The following IGSF11 variants were observed in gnomAD, a reference collection of about 807,000 sequenced individuals.
IGSF11 encodes immunoglobulin superfamily member 11, also known as CXADR like 1.
In IGSF11, 22 loss-of-function variants were observed where a neutral mutation model predicts 41.0. The observed-to-expected ratio is 0.54, with a 90% CI of 0.38 to 0.77. The LOEUF (loss-of-function observed/expected upper bound fraction) is 0.77, where lower values mean the gene tolerates loss of function less well. Among genes scored for constraint, IGSF11 ranks in the 30% least tolerant of loss-of-function variants. The pLI, the probability that IGSF11 is intolerant of heterozygous loss-of-function variation, is 0.00. For missense variants in IGSF11, 444 were observed against 530.8 expected (o/e 0.84, Z 1.61); for synonymous variants, 219 against 201.3 (o/e 1.09, Z -0.74).
intron 1 of IGSF11, among the ~76,000 whole-genome samples, chr3:119,066,842 G>A (rs1375862419): frequency 6.6e-6 from 1 of 151,976 alleles, no homozygotes; most frequent in Non-Finnish European, 1.5e-5. Context: ...CCTATCTATT[G>A]AGTTCTTGAT....
intron 1 of IGSF11, among the ~76,000 whole-genome samples, chr3:119,056,206 A>G (rs1328282703): frequency 6.6e-6 from 1 of 152,216 alleles, no homozygotes; most frequent in East Asian, 1.9e-4. Flanking sequence ...AAAGATCAAC[A>G]AAATTGATAG....
chr3:119,136,556 C>CA (rs1224169868), intron 1 of IGSF11, among the ~76,000 whole-genome samples: 1 of 151,776 alleles, frequency 6.6e-6, no homozygotes, highest in African/African-American at 2.4e-5. Context: ...GATTTCAAGA[C>CA]AAAAACTATA....
chr3:118,951,032 C>T (rs1466277866), intron 1 of IGSF11, among the ~76,000 whole-genome samples: 3 of 152,164 alleles, frequency 2.0e-5, no homozygotes, highest in African/African-American at 7.2e-5. Flanking sequence ...GCCATTAGGT[C>T]AGCTCTATCC....
At chr3:119,049,296 A>G (rs1441560484) in intron 1 of IGSF11, among the ~76,000 whole-genome samples, 1 of 151,590 alleles carries the variant, frequency 6.6e-6, no homozygotes, top group African/African-American at 2.4e-5. Context: ...CAACTTCAGC[A>G]AAGTCTCAGG....
chr3:118,905,470 C>G (rs1939475093), intron 5 of IGSF11, 126 bp downstream of exon 5: 1 of 1,027,734 alleles, frequency 9.7e-7, no homozygotes, highest in Non-Finnish European at 1.4e-6. Context: ...TAATTAAAAC[C>G]AAAACAATTT....
At chr3:119,130,349 T>C (rs1184211032) in intron 1 of IGSF11, among the ~76,000 whole-genome samples, 1 of 152,196 alleles carries the variant, frequency 6.6e-6, no homozygotes, top group Non-Finnish European at 1.5e-5. Context: ...GGTACACTCT[T>C]GCCCAAATAC....
At chr3:118,972,465 G>A (rs1448642912) in intron 1 of IGSF11, among the ~76,000 whole-genome samples, 2 of 152,102 alleles carry the variant, frequency 1.3e-5, no homozygotes, top group South Asian at 4.1e-4. Flanking sequence ...TAAACTGCAG[G>A]TTCCGTAGGG....
chr3:119,036,123 T>C (rs911471861), upstream of IGSF11, among the ~76,000 whole-genome samples: 7 of 152,220 alleles, frequency 4.6e-5, no homozygotes, highest in Non-Finnish European at 7.3e-5. Context: ...TGTTAAGAAA[T>C]GTTAATAACT....
upstream of IGSF11, among the ~76,000 whole-genome samples, chr3:119,107,268 A>G (rs2077048119): frequency 6.6e-6 from 1 of 152,194 alleles, no homozygotes; most frequent in East Asian, 1.9e-4. Context: ...TGACTCTTCA[A>G]TGATCACCAT....
At chr3:118,984,185 AC>A (rs1355056989) in intron 1 of IGSF11, among the ~76,000 whole-genome samples, 3 of 151,372 alleles carry the variant, frequency 2.0e-5, no homozygotes, top group Non-Finnish European at 2.9e-5. Flanking sequence ...AAAAAAAAAA[AC>A]AGACATTTGC....
intron 1 of IGSF11, among the ~76,000 whole-genome samples, chr3:118,976,760 C>T (rs1934158343): frequency 6.6e-6 from 1 of 152,144 alleles, no homozygotes; most frequent in African/African-American, 2.4e-5. Context: ...TATCAAAGTT[C>T]CTACTACCAT....
At chr3:119,018,765 T>G (rs1438037037) in intron 1 of IGSF11, among the ~76,000 whole-genome samples, 1 of 152,144 alleles carries the variant, frequency 6.6e-6, no homozygotes, top group Non-Finnish European at 1.5e-5. Context: ...TTAATGAAAA[T>G]TTGACATCCA....
At chr3:119,088,893 G>A (rs2076719261) in intron 1 of IGSF11, among the ~76,000 whole-genome samples, 1 of 152,060 alleles carries the variant, frequency 6.6e-6, no homozygotes, top group African/African-American at 2.4e-5. Context: ...GATTGAATCA[G>A]GAAGAGACTG....
chr3:119,083,129 T>C (rs1268160905), intron 1 of IGSF11, among the ~76,000 whole-genome samples: 1 of 87,290 alleles, frequency 1.1e-5, no homozygotes, highest in Non-Finnish European at 3.2e-5. Context: ...CTTTTTTCTT[T>C]TTTTTTTTTT....
At chr3:119,009,377 C>T (rs765494587) in intron 1 of IGSF11, among the ~76,000 whole-genome samples, 21 of 152,248 alleles carry the variant, frequency 1.4e-4, no homozygotes, top group East Asian at 3.9e-4. Flanking sequence ...GTAATCCCCA[C>T]GTGTCAAGGG....
At chr3:119,101,543 A>G (rs766742048) in intron 1 of IGSF11, among the ~76,000 whole-genome samples, 9 of 152,276 alleles carry the variant, frequency 5.9e-5, no homozygotes, top group Admixed American at 1.3e-4. Context: ...ATATACAGAC[A>G]TGGCACAAAA....
At chr3:119,055,906 A>G (rs1941813551) in intron 1 of IGSF11, among the ~76,000 whole-genome samples, 1 of 152,208 alleles carries the variant, frequency 6.6e-6, no homozygotes, top group Non-Finnish European at 1.5e-5. Flanking sequence ...AGAAATAAAG[A>G]TGGTCTTTGA....
intron 1 of IGSF11, among the ~76,000 whole-genome samples, chr3:119,006,235 C>G (rs1222210131): frequency 1.6e-5 from 2 of 124,902 alleles, no homozygotes; most frequent in East Asian, 4.3e-4. Flanking sequence ...CGCTGATACC[C>G]TTTCTTCCAG....
At chr3:118,908,572 A>C (rs1939889474) in intron 4 of IGSF11, among the ~76,000 whole-genome samples, 1 of 152,200 alleles carries the variant, frequency 6.6e-6, no homozygotes, top group Admixed American at 6.5e-5. Context: ...ATTTTTCTGA[A>C]ATAGAGAATA....
Sources: allele counts gnomAD v4.1 joint callset (sites outside exome capture counted in the v4.1 genomes callset), GRCh38; gene constraint gnomAD v4.1.1; transcripts MANE v1.5; gene names NCBI Gene and HGNC (gene_info 2026-07-23, HGNC 2026-07-21).